Variants in GALNT13 observed in about 807,000 individuals in gnomAD.
GALNT13 encodes the protein UDP-GalNAc:polypeptide N-acetylgalactosaminyltransferase 13.
GALNT13 carries 28 observed loss-of-function variants against 64.2 expected under a neutral mutation model. The ratio of observed to expected loss-of-function variants is 0.44; its 90% CI spans 0.32 to 0.60. The LOEUF (loss-of-function observed/expected upper bound fraction) is 0.60. GALNT13 is among the 20% of genes least tolerant of loss of function. The pLI is 0.05. For missense variants in GALNT13, 577 were observed against 669.8 expected, an observed-to-expected ratio of 0.86 and a Z score of 1.53; for synonymous variants, 214 against 224.6, an observed-to-expected ratio of 0.95 and a Z score of 0.42.
At chr2:154,313,224 CTATA>C (rs1022454319) in intron 9 of GALNT13, among the ~76,000 whole-genome samples, 47 of 147,710 alleles carry the variant, frequency 3.2e-4, no homozygotes, top group African/African-American at 1.1e-3. Context: ...TACACACACA[CTATA>C]TATATATTTA....
intron 3 of GALNT13, among the ~76,000 whole-genome samples, chr2:153,995,539 C>G (rs1392392370): frequency 1.3e-5 from 2 of 152,052 alleles, no homozygotes; most frequent in Admixed American, 6.5e-5. Flanking sequence ...TTATATTTGG[C>G]ACATAATTTT....
At chr2:153,562,038 C>CTT in the GALNT13 span, among the ~76,000 whole-genome samples, 1 of 123,688 alleles carries the variant, frequency 8.1e-6, no homozygotes, top group African/African-American at 3.2e-5. Flanking sequence ...TCCTCTCTCT[C>CTT]TCTTTCTCTC....
At chr2:154,040,229 A>C (rs1326732520) in intron 3 of GALNT13, among the ~76,000 whole-genome samples, 3 of 140,282 alleles carry the variant, frequency 2.1e-5, no homozygotes, top group African/African-American at 7.4e-5. Flanking sequence ...AGGGTGAACT[A>C]AAAGTCCAGG....
the GALNT13 span, among the ~76,000 whole-genome samples, chr2:153,289,721 A>G: frequency 1.3e-5 from 2 of 152,222 alleles, no homozygotes; most frequent in Non-Finnish European, 2.9e-5. Flanking sequence ...ATCTCAAGTA[A>G]CTTCAGGGAC....
chr2:153,926,601 G>A (rs945696058), intron 2 of GALNT13, among the ~76,000 whole-genome samples: 3 of 152,148 alleles, frequency 2.0e-5, no homozygotes, highest in Admixed American at 2.0e-4. Context: ...TTTGGAAACA[G>A]ATTACTTAAA....
chr2:153,757,657 T>C, the GALNT13 span, among the ~76,000 whole-genome samples: 1 of 152,172 alleles, frequency 6.6e-6, no homozygotes, highest in Non-Finnish European at 1.5e-5. Context: ...TTATCTTTCA[T>C]CTTTTTGATA....
At chr2:153,313,617 G>A in the GALNT13 span, among the ~76,000 whole-genome samples, 2 of 152,282 alleles carry the variant, frequency 1.3e-5, no homozygotes, top group African/African-American at 4.8e-5. Context: ...ATACCTGGGT[G>A]ATGAAGTAAT....
At chr2:153,802,900 G>A in the GALNT13 span, among the ~76,000 whole-genome samples, 6 of 152,212 alleles carry the variant, frequency 3.9e-5, no homozygotes, top group Non-Finnish European at 8.8e-5. Context: ...GTTTTTAGTG[G>A]CAACAGAGGA....
the GALNT13 span, among the ~76,000 whole-genome samples, chr2:153,677,284 T>TACACAC: frequency 7.7e-3 from 1,117 of 144,740 alleles, 13 homozygotes; most frequent in African/African-American, 0.012. Flanking sequence ...ACAATAGACA[T>TACACAC]ACACACACAC....
chr2:154,130,335 G>A (rs1013223506), intron 3 of GALNT13, among the ~76,000 whole-genome samples: 3 of 152,146 alleles, frequency 2.0e-5, no homozygotes, highest in African/African-American at 4.8e-5. Context: ...TCAGCAACCC[G>A]AAGCAGAGAG....
chr2:154,440,301 A>G (rs1048662357), intron 12 of GALNT13, among the ~76,000 whole-genome samples: 9 of 152,154 alleles, frequency 5.9e-5, no homozygotes, highest in African/African-American at 2.2e-4. Flanking sequence ...TTAATCTTTA[A>G]ACTTTTCCAT....
chr2:153,107,590 T>C, the GALNT13 span, among the ~76,000 whole-genome samples: 1 of 152,136 alleles, frequency 6.6e-6, no homozygotes, highest in Admixed American at 6.6e-5. Flanking sequence ...ATAAAGTAGA[T>C]TATTTTTCCT....
chr2:153,296,751 A>G, the GALNT13 span, among the ~76,000 whole-genome samples: 1 of 152,216 alleles, frequency 6.6e-6, no homozygotes, highest in Non-Finnish European at 1.5e-5. Flanking sequence ...ATAAATGTAC[A>G]TGGAAATAAA....
chr2:154,214,349 T>C (rs1687931051), intron 4 of GALNT13, among the ~76,000 whole-genome samples: 1 of 152,182 alleles, frequency 6.6e-6, no homozygotes, highest in South Asian at 2.1e-4. Flanking sequence ...TAAAACATTC[T>C]ACCTAGTGAT....
rs117835356 is a variant in GALNT13 at position 154,445,706 on chromosome 2, A to G, written c.1531-4705A>G. On this transcript the variant is annotated intron_variant, in intron 12 of 12. Coordinates refer to ENST00000392825, the MANE Select transcript of GALNT13 (RefSeq NM_052917.4). Reference sequence around the variant, plus strand: ...ATAAATCCTTGAAAACATAAATCCAATAATTTGTGTTCATTAAGCTGCCTG... The same window carrying G: ...ATAAATCCTTGAAAACATAAATCCAGTAATTTGTGTTCATTAAGCTGCCTG... 4.6e-5 allele frequency: 29 copies of G among 627,092 alleles called. No individual in the cohort carries two copies. In the East Asian group the frequency reaches 1.4e-3, roughly 31 times the overall value. The allele number at this position is 627,092 out of a possible 1,614,324, so 38.8% of individuals were successfully genotyped here. A position where few individuals can be genotyped will look rare whatever the true frequency, so the allele number is the denominator to read the frequency against.
At chr2:153,749,177 C>A in the GALNT13 span, among the ~76,000 whole-genome samples, 7 of 151,866 alleles carry the variant, frequency 4.6e-5, no homozygotes, top group Admixed American at 4.6e-4. Flanking sequence ...TTATTATGTT[C>A]CATTGGTCTA....
chr2:153,941,179 A>G (rs1366604058), intron 2 of GALNT13, among the ~76,000 whole-genome samples: 1 of 152,072 alleles, frequency 6.6e-6, no homozygotes, highest in Admixed American at 6.6e-5. Context: ...TATTTTTAGT[A>G]GTTACAAGGT....
At chr2:154,110,358 G>GAGAGAGAGAC (rs1702903870) in intron 3 of GALNT13, among the ~76,000 whole-genome samples, 1 of 100,874 alleles carries the variant, frequency 9.9e-6, no homozygotes, top group Non-Finnish European at 1.9e-5. Flanking sequence ...GAGAGAGAGA[G>GAGAGAGAGAC]AGAGAGAGAG....
At chr2:153,705,700 C>T in the GALNT13 span, among the ~76,000 whole-genome samples, 1 of 152,170 alleles carries the variant, frequency 6.6e-6, no homozygotes, top group Non-Finnish European at 1.5e-5. Flanking sequence ...TTGATCCTGG[C>T]ACTTCTGCTA....
Sources: gnomAD v4.1 joint callset for allele counts (sites outside exome capture counted in the v4.1 genomes callset) on GRCh38, gnomAD v4.1.1 for gene constraint, MANE v1.5 for transcripts, NCBI Gene and HGNC (gene_info 2026-07-23, HGNC 2026-07-21) for gene names.